AMPH: variants seen among roughly 807,000 people sequenced by gnomAD.
AMPH encodes amphiphysin, also known as amphiphysin (Stiff-Mann syndrome with breast cancer 128kD autoantigen).
In AMPH, 49 loss-of-function variants were observed where a neutral mutation model predicts 99.1. That is an observed-to-expected ratio of 0.49 (90% CI 0.39 to 0.63). The LOEUF is 0.63. Ranked by LOEUF, AMPH falls within the 20% of genes least tolerant of loss-of-function variation. The pLI is 0.00. For missense variants in AMPH, 759 were observed against 863.4 expected, an observed-to-expected ratio of 0.88 and a Z score of 1.52; for synonymous variants, 314 against 317.3, an observed-to-expected ratio of 0.99 and a Z score of 0.11.
intron 11 of AMPH, among the ~76,000 whole-genome samples, chr7:38,440,843 C>T (rs928323178): frequency 5.3e-5 from 8 of 151,430 alleles, no homozygotes; most frequent in African/African-American, 1.9e-4. Flanking sequence ...CAAAAGAAAG[C>T]AGAAATGGAA....
At chr7:38,471,019 T>C (rs1343091257) in intron 7 of AMPH, among the ~76,000 whole-genome samples, 1 of 152,140 alleles carries the variant, frequency 6.6e-6, no homozygotes. Context: ...CAATATAAGC[T>C]CCAAGCAAAC....
chr7:38,410,276 A>T lies in AMPH; in HGVS notation c.1398+7549T>A, dbSNP rs981827651. Among the ~76,000 whole-genome samples, 73 of 152,146 alleles carry T rather than the reference A, an allele frequency of 4.8e-4. 2 individuals carry two copies. On this transcript the variant is annotated intron_variant, in intron 17 of 20. Coordinates refer to ENST00000356264, the MANE Select transcript of AMPH (RefSeq NM_001635.4). Reference sequence around the variant, plus strand: ...ACTGAGAAACAGTGATCTGCAAATCACCTGAATGTCATTACACTTTGTTGG... The same window carrying T: ...ACTGAGAAACAGTGATCTGCAAATCTCCTGAATGTCATTACACTTTGTTGG...
rs1045426203 is a variant in AMPH at position 38,392,712 on chromosome 7, C to G, written c.1609-695G>C. On this transcript the variant is annotated intron_variant, in intron 18 of 20. Coordinates refer to ENST00000356264, the MANE Select transcript of AMPH (RefSeq NM_001635.4). ...GCAGGCCAGCCTGGTTCTTGTCCCA[C>G]GGAACCCTAACTCTTGCGGTTGGCA... 1.3e-5 allele frequency: 2 copies of G among 152,756 alleles called. 1 individual carries two copies. Among genetic ancestry groups the G allele is most frequent in the Admixed American group, 1.3e-4 (2 of 15,290 alleles). 9.5% of individuals were successfully genotyped at this position (152,756 alleles called of 1,614,324 possible).
At chr7:38,615,967 C>T (rs751565148) in intron 1 of AMPH, among the ~76,000 whole-genome samples, 6 of 152,112 alleles carry the variant, frequency 3.9e-5, no homozygotes, top group East Asian at 1.9e-4. Context: ...AGATGGAGAT[C>T]GTGAGTTAAT....
intron 1 of AMPH, among the ~76,000 whole-genome samples, chr7:38,630,170 G>A (rs115941138): frequency 6.6e-6 from 1 of 152,318 alleles, no homozygotes; most frequent in African/African-American, 2.4e-5. Context: ...CCATATCCTA[G>A]GGACGGAAAA....
chr7:38,423,567 A>C (rs943171370), intron 15 of AMPH, among the ~76,000 whole-genome samples: 1 of 152,232 alleles, frequency 6.6e-6, no homozygotes, highest in East Asian at 1.9e-4. Flanking sequence ...TCAACCTATA[A>C]GAATGAAAAG....
intron 1 of AMPH, among the ~76,000 whole-genome samples, chr7:38,624,357 T>C (rs913629149): frequency 6.6e-6 from 1 of 151,816 alleles, no homozygotes; most frequent in Non-Finnish European, 1.5e-5. Context: ...AGAATTTAAA[T>C]AGTCTAACTC....
rs866283757 is a variant in AMPH at position 38,464,820 on chromosome 7, C to T, written c.749+647G>A. Among the ~76,000 whole-genome samples, 12 of 152,186 alleles carry T rather than the reference C, an allele frequency of 7.9e-5. 1 individual carries two copies. The South Asian group carries it at 2.5e-3, about 32-fold the overall frequency. Reference sequence around the variant, plus strand: ...TCAATCTCTGAGTACGTAAAGTCTACGAAGGATGGAATAAAAAGGATTCCA... The same window carrying T: ...TCAATCTCTGAGTACGTAAAGTCTATGAAGGATGGAATAAAAAGGATTCCA... On this transcript the variant is annotated intron_variant, in intron 9 of 20. Transcript: ENST00000356264.
At chr7:38,429,296 C>T (rs1345435101) in intron 14 of AMPH, 4 of 1,286,744 alleles carry the variant, frequency 3.1e-6, no homozygotes, top group Non-Finnish European at 4.1e-6. Flanking sequence ...GAAAGGCTGG[C>T]CCCGGGGCAT....
intron 14 of AMPH, chr7:38,429,427 C>A: frequency 7.7e-7 from 1 of 1,294,584 alleles, no homozygotes; most frequent in Non-Finnish European, 1.0e-6. Context: ...CCTGAGGTAA[C>A]TTCTTGGCTG....
At chr7:38,406,714 C>CT (rs1784996487) in intron 17 of AMPH, among the ~76,000 whole-genome samples, 1 of 112,752 alleles carries the variant, frequency 8.9e-6, no homozygotes, top group African/African-American at 3.0e-5. Context: ...CTCTCCTCTC[C>CT]TCTCTCTCTC....
chr7:38,537,874 T>A (rs550048674), intron 1 of AMPH, among the ~76,000 whole-genome samples: 1 of 152,156 alleles, frequency 6.6e-6, no homozygotes, highest in Non-Finnish European at 1.5e-5. Context: ...AGATAGTTGA[T>A]ACTATGTGAT....
chr7:38,461,598 T>C (rs934402582), intron 10 of AMPH, among the ~76,000 whole-genome samples, 187 bp from the exon 11 acceptor site: 1 of 152,164 alleles, frequency 6.6e-6, no homozygotes, highest in Non-Finnish European at 1.5e-5. Context: ...TGAGCCCTGA[T>C]AAGCCATGGT....
intron 17 of AMPH, among the ~76,000 whole-genome samples, chr7:38,402,826 C>T (rs1784878757): frequency 1.3e-5 from 2 of 152,270 alleles, no homozygotes; most frequent in South Asian, 4.1e-4. Context: ...TTGGGTTTAG[C>T]TAACATTTCT....
At chr7:38,529,133 T>C (rs1026644222) in intron 2 of AMPH, among the ~76,000 whole-genome samples, 2 of 152,076 alleles carry the variant, frequency 1.3e-5, no homozygotes, top group African/African-American at 2.4e-5. Context: ...AAGAAGCGAG[T>C]TCCATCACTA....
intron 5 of AMPH, among the ~76,000 whole-genome samples, chr7:38,484,044 G>A (rs1168358768): frequency 1.3e-5 from 2 of 151,912 alleles, no homozygotes; most frequent in Non-Finnish European, 2.9e-5. Flanking sequence ...AACTCAGACA[G>A]GTCATTAAGA....
intron 5 of AMPH, among the ~76,000 whole-genome samples, chr7:38,479,812 AAATT>A (rs1471651748): frequency 5.3e-5 from 8 of 152,260 alleles, no homozygotes; most frequent in East Asian, 1.9e-4. Context: ...CCAATTAAAT[AAATT>A]GTTATACATC....
intron 16 of AMPH, among the ~76,000 whole-genome samples, chr7:38,422,176 C>G (rs563799988): frequency 2.6e-5 from 4 of 152,328 alleles, no homozygotes; most frequent in Admixed American, 6.5e-5. Flanking sequence ...TCACTGTGTT[C>G]TGCTGGGGTT....
intron 14 of AMPH, chr7:38,429,268 G>A (rs1177924183): frequency 5.4e-6 from 7 of 1,286,296 alleles, no homozygotes; most frequent in East Asian, 1.1e-4. Flanking sequence ...TTTGGGGGCA[G>A]TTGTTCATTT....
Sources: allele counts gnomAD v4.1 joint callset (sites outside exome capture counted in the v4.1 genomes callset), GRCh38; gene constraint gnomAD v4.1.1; transcripts MANE v1.5; gene names NCBI Gene and HGNC (gene_info 2026-07-23, HGNC 2026-07-21).